ARSG: variants seen among roughly 807,000 people sequenced by gnomAD.
The protein encoded by ARSG is ASG.
ARSG carries 37 observed loss-of-function variants against 50.5 expected under a neutral mutation model. That is an observed-to-expected ratio of 0.73 (90% CI 0.56 to 0.96). The LOEUF is 0.96. Among genes scored for constraint, ARSG ranks in the 50% least tolerant of loss-of-function variants. The pLI is 0.00. For missense variants in ARSG, 629 were observed against 675.3 expected (o/e 0.93, Z 0.76); for synonymous variants, 225 against 254.6 (o/e 0.88, Z 1.11).
At chr17:68,419,538 T>C (rs1016940766) in intron 11 of ARSG, among the ~76,000 whole-genome samples, 5 of 152,098 alleles carry the variant, frequency 3.3e-5, no homozygotes, top group African/African-American at 9.7e-5. Context: ...GATTGTGCCA[T>C]TGCACTCCAG....
the ARSG span, chr17:68,450,709 GA>G: frequency 8.0e-5 from 128 of 1,598,846 alleles, no homozygotes; most frequent in Middle Eastern, 6.6e-4. Context: ...TTGAAACCCT[GA>G]GGGATTTCCC....
At chr17:68,326,176 A>C (rs1555772334) in intron 2 of ARSG, among the ~76,000 whole-genome samples, 1 of 152,230 alleles carries the variant, frequency 6.6e-6, no homozygotes, top group African/African-American at 2.4e-5. Context: ...AAAGTCAGAT[A>C]TGATAAGGGT....
In ARSG at chr17:68,271,038, A is replaced by G; in HGVS notation, c.-552+11612A>G. On this transcript the variant is annotated intron_variant, in intron 1 of 11. Transcript: ENST00000448504. The surrounding 1 kb of genome is among the most constrained non-coding windows in gnomAD (Gnocchi z 5.3). ...AGAATTCAGTAGCAAAAGTAAAGGC[A>G]AACAGAGACACAGTCAATAAGATGA... is the stretch of plus-strand genomic sequence containing the variant. The G allele has an allele frequency of 6.2e-7, 1 of 1,614,210 alleles. No individual in the cohort carries two copies. The highest frequency in any genetic ancestry group is 8.5e-7 in the Non-Finnish European group (1 of 1,180,032).
chr17:68,421,321 T>C (rs2082754857), downstream of ARSG: 1 of 159,846 alleles, frequency 6.3e-6, no homozygotes, highest in Non-Finnish European at 1.4e-5. Context: ...AAAATGGGAC[T>C]CCCAAGTAAT....
At position 68,378,897 on chromosome 17, in the gene ARSG, T is replaced by C. The variant is rs930936178; in HGVS notation, c.983-6167T>C. ...TAACCTTTCCCGCTGGGAAGCAGTCTCTGCATCCTGGGCCTTCTGTCCAGT... is the reference window on the plus strand; with the variant it reads ...TAACCTTTCCCGCTGGGAAGCAGTCCCTGCATCCTGGGCCTTCTGTCCAGT... On this transcript the variant is annotated intron_variant, in intron 8 of 11. Transcript: ENST00000621439. The surrounding 1 kb of genome is among the most constrained non-coding windows in gnomAD (Gnocchi z 4.4). Among the ~76,000 whole-genome samples, 2 of 135,318 alleles carry C rather than the reference T, an allele frequency of 1.5e-5. No individual in the cohort carries two copies. The highest frequency in any genetic ancestry group is 2.7e-5 in the African/African-American group (1 of 37,150). 88.8% of individuals were successfully genotyped at this position (135,318 alleles called of 152,430 possible).
the ARSG span, among the ~76,000 whole-genome samples, chr17:68,440,275 A>C: frequency 6.6e-6 from 1 of 152,214 alleles, no homozygotes; most frequent in African/African-American, 2.4e-5. Flanking sequence ...CAAGTGTCAG[A>C]AAAATCCAAC....
At chr17:68,370,085 C>T (rs1398964033) in intron 7 of ARSG, among the ~76,000 whole-genome samples, 2 of 152,004 alleles carry the variant, frequency 1.3e-5, no homozygotes, top group Non-Finnish European at 2.9e-5. Flanking sequence ...CAGGATCTCG[C>T]GTCACTGCAA....
chr17:68,301,066 C>T (rs1011253856), intron 1 of ARSG, among the ~76,000 whole-genome samples: 2 of 150,326 alleles, frequency 1.3e-5, no homozygotes, highest in African/African-American at 4.9e-5. Context: ...TGCAGTGAGC[C>T]GAGATCGCAC....
At chr17:68,309,545 A>G (rs2076761436) in intron 2 of ARSG, among the ~76,000 whole-genome samples, 1 of 152,230 alleles carries the variant, frequency 6.6e-6, no homozygotes, top group Admixed American at 6.5e-5. Flanking sequence ...AGTGTGGGTC[A>G]CAGAGCGAGA....
At chr17:68,262,599 A>G (rs1484924985) in intron 1 of ARSG, among the ~76,000 whole-genome samples, 3 of 151,916 alleles carry the variant, frequency 2.0e-5, no homozygotes, top group Non-Finnish European at 4.4e-5. Context: ...CTGTAAGAGG[A>G]TTACTGTGGC....
the ARSG span, among the ~76,000 whole-genome samples, chr17:68,435,908 AT>A: frequency 5.0e-4 from 76 of 152,230 alleles, no homozygotes; most frequent in Admixed American, 5.0e-3. Context: ...GGGCCACTCC[AT>A]TTCCATCCCT....
chr17:68,293,375 C>G (rs2076088788), intron 1 of ARSG, among the ~76,000 whole-genome samples: 1 of 152,048 alleles, frequency 6.6e-6, no homozygotes, highest in African/African-American at 2.4e-5. Flanking sequence ...GTACTTCAGT[C>G]TCTTGATTTA....
At chr17:68,311,612 G>C (rs1461953576) in intron 2 of ARSG, among the ~76,000 whole-genome samples, 5 of 152,080 alleles carry the variant, frequency 3.3e-5, no homozygotes, top group Admixed American at 6.5e-5. Context: ...GGGACACACA[G>C]AGAGAGATGG....
intron 8 of ARSG, among the ~76,000 whole-genome samples, chr17:68,376,255 A>G (rs2080139162): frequency 1.4e-5 from 2 of 144,290 alleles, no homozygotes. Context: ...GGACTACAGG[A>G]GTGTGCCACT....
chr17:68,335,422 C>T lies in ARSG; in HGVS notation c.219-8182C>T, dbSNP rs183294327. ...CAAAAAAATTAGCCGGGCGTAGTGG[C>T]GGGCGCCTGTAGTCCCAGCTACTCG... On this transcript the variant is annotated intron_variant, in intron 2 of 11. Coordinates refer to ENST00000621439, the MANE Select transcript of ARSG (RefSeq NM_001267727.2). Among the ~76,000 whole-genome samples the T allele has an allele frequency of 2.3e-3, 345 of 151,474 alleles. 2 individuals carry two copies. Among genetic ancestry groups the T allele is most frequent in the African/African-American group, 7.9e-3 (328 of 41,442 alleles).
At chr17:68,327,961 G>C (rs1555773060) in intron 2 of ARSG, among the ~76,000 whole-genome samples, 2 of 152,194 alleles carry the variant, frequency 1.3e-5, no homozygotes, top group Non-Finnish European at 2.9e-5. Flanking sequence ...GTGGCAGAGA[G>C]ACTTGAAGAT....
intron 8 of ARSG, among the ~76,000 whole-genome samples, chr17:68,383,411 G>C (rs1568554328): frequency 6.6e-6 from 1 of 152,184 alleles, no homozygotes; most frequent in Non-Finnish European, 1.5e-5. Flanking sequence ...AGAGCTAATG[G>C]CTTGTTTCCT....
rs151032699 is a variant in ARSG, at chr17:68,364,668, G to A, written c.705-3880G>A. Among the ~76,000 whole-genome samples, 11 of 152,256 alleles carry A rather than the reference G, an allele frequency of 7.2e-5. 1 individual carries two copies. The East Asian group carries it at 1.7e-3, about 24-fold the overall frequency. On this transcript the variant is annotated intron_variant, in intron 6 of 11. Transcript: ENST00000621439. Reference sequence around the variant, plus strand: ...GAGGATAACCTGTTTTAATACCTCCGAGTATGTTCTTCTAGCCTCATTCTA... The same window carrying A: ...GAGGATAACCTGTTTTAATACCTCCAAGTATGTTCTTCTAGCCTCATTCTA...
intron 8 of ARSG, among the ~76,000 whole-genome samples, chr17:68,383,546 C>T (rs1349270585): frequency 2.0e-5 from 3 of 152,268 alleles, no homozygotes; most frequent in Non-Finnish European, 4.4e-5. Flanking sequence ...ATACCCCAAG[C>T]TTCCACAAAG....
Sources: gnomAD v4.1 joint callset for allele counts (sites outside exome capture counted in the v4.1 genomes callset) on GRCh38, gnomAD v4.1.1 for gene constraint, Gnocchi (gnomAD v3.1) non-coding constraint, MANE v1.5 for transcripts, NCBI Gene and HGNC (gene_info 2026-07-23, HGNC 2026-07-21) for gene names.